PIGN: variants seen among roughly 807,000 people sequenced by gnomAD.
The protein encoded by PIGN is GPI ethanolamine phosphate transferase 1.
Under a neutral mutation model 125.4 loss-of-function variants are expected in PIGN, and 117 were observed. That is an observed-to-expected ratio of 0.93 (90% CI 0.80 to 1.09). The LOEUF is 1.09. Among genes scored for constraint, PIGN ranks in the 50% least tolerant of loss-of-function variants. The pLI is 0.00. For synonymous variants in PIGN, 392 were observed against 377.8 expected, an observed-to-expected ratio of 1.04 and a Z score of -0.44; for missense variants, 1,075 against 1,094.9, an observed-to-expected ratio of 0.98 and a Z score of 0.26.
At chr18:62,180,439 T>C (rs1399511959) in intron 1 of PIGN, among the ~76,000 whole-genome samples, 3 of 152,160 alleles carry the variant, frequency 2.0e-5, no homozygotes, top group African/African-American at 7.2e-5. Flanking sequence ...TGGCAAAGTG[T>C]CCATACTAAT....
chr18:62,167,226 ATC>A, intron 1 of PIGN, among the ~76,000 whole-genome samples: 1 of 133,182 alleles, frequency 7.5e-6, no homozygotes, highest in African/African-American at 2.6e-5. Context: ...TATATATAAA[ATC>A]TCTCTCTATA....
At chr18:62,144,348 C>G (rs1425901916) in intron 10 of PIGN, among the ~76,000 whole-genome samples, 2 of 152,286 alleles carry the variant, frequency 1.3e-5, no homozygotes, top group East Asian at 3.9e-4. Context: ...AATGCTCTAA[C>G]AGGCTTTAAT....
chr18:62,151,931 T>G (rs2036551262), intron 7 of PIGN, among the ~76,000 whole-genome samples: 1 of 152,210 alleles, frequency 6.6e-6, no homozygotes, highest in Admixed American at 6.5e-5. Context: ...AGAGATTTAT[T>G]CTGAGCCAAA....
chr18:62,024,055 G>C (rs1444292643), intron 23 of PIGN, among the ~76,000 whole-genome samples: 2 of 152,148 alleles, frequency 1.3e-5, no homozygotes, highest in Non-Finnish European at 2.9e-5. Flanking sequence ...GGAATACAGA[G>C]GGCAGCTAAA....
chr18:62,039,302 A>G (rs2030303767), downstream of PIGN, among the ~76,000 whole-genome samples: 1 of 152,142 alleles, frequency 6.6e-6, no homozygotes, highest in Non-Finnish European at 1.5e-5. Flanking sequence ...TTCTCTTATT[A>G]TTAATACCTA....
rs974489594 is a variant in PIGN at position 62,152,459 on chromosome 18, C to T, written c.549+2086G>A. ...AGTCTCTCAGGTTACATTTTAAAAG[C>T]GCCCTGGCTGAGAAAGTCCATTGAG... On this transcript the variant is annotated intron_variant, in intron 7 of 30. Coordinates refer to ENST00000640252, the MANE Select transcript of PIGN (RefSeq NM_176787.5). Among the ~76,000 whole-genome samples, 4 of 151,912 alleles carry T rather than the reference C, an allele frequency of 2.6e-5. No homozygotes were observed. The East Asian group carries it at 5.8e-4, about 22-fold the overall frequency.
At chr18:62,060,215 T>A (rs2032033380) in intron 30 of PIGN, among the ~76,000 whole-genome samples, 1 of 152,214 alleles carries the variant, frequency 6.6e-6, no homozygotes, top group Non-Finnish European at 1.5e-5. Context: ...GAACATCAAA[T>A]TTCAACTTGA....
rs750070239 is a variant in PIGN, at chr18:62,145,952, G to C, written c.879C>G (p.Pro293=). The C allele has an allele frequency of 2.5e-6, 4 of 1,608,414 alleles. No homozygotes were observed. Among genetic ancestry groups the C allele is most frequent in the Admixed American group, 3.3e-5 (2 of 59,862 alleles). The stretch of plus-strand genomic sequence containing the variant: ...CAAATTGCTGAGCTGATACTCTTTG[G>C]GGATACTTGATTCCAGCTCCCCAAG... ...LVTWGAGIKY[P]QRVSAQQFDD... is the part of the protein sequence containing the mutation. Residue 293 remains proline (P), a synonymous_variant, in exon 10 of 31, where the codon CCC becomes CCG. Transcript: ENST00000640252.
intron 23 of PIGN, among the ~76,000 whole-genome samples, chr18:62,033,100 A>C (rs1046134925): frequency 2.6e-5 from 4 of 152,238 alleles, no homozygotes; most frequent in Non-Finnish European, 5.9e-5. Context: ...ACATCATTGC[A>C]GTTTCCTTGG....
intron 14 of PIGN, 197 bp downstream of exon 14, chr18:62,138,046 C>T (rs1216754861): frequency 1.5e-6 from 1 of 673,788 alleles, no homozygotes; most frequent in Non-Finnish European, 2.4e-6. Context: ...CATCCCTCTT[C>T]CAGCCATTCA....
At chr18:62,035,528 T>A (rs2030247491) in intron 23 of PIGN, among the ~76,000 whole-genome samples, 1 of 152,226 alleles carries the variant, frequency 6.6e-6, no homozygotes, top group African/African-American at 2.4e-5. Context: ...ATTACTTTTT[T>A]ATCTTTTTTT....
intron 30 of PIGN, among the ~76,000 whole-genome samples, chr18:62,071,911 A>ATATATATAT (rs2032897102): frequency 3.8e-5 from 3 of 78,992 alleles, no homozygotes; most frequent in Non-Finnish European, 7.6e-5. Flanking sequence ...TATATATATA[A>ATATATATAT]ATTTAACTGT....
intron 23 of PIGN, among the ~76,000 whole-genome samples, chr18:62,027,902 G>A (rs1442993514): frequency 6.6e-6 from 1 of 151,410 alleles, no homozygotes; most frequent in Admixed American, 6.6e-5. Flanking sequence ...ATGAGACCCT[G>A]TCTCAATAAA....
chr18:62,087,591 G>C (rs2033766590), intron 25 of PIGN, among the ~76,000 whole-genome samples: 1 of 152,194 alleles, frequency 6.6e-6, no homozygotes. Flanking sequence ...TGCTTTAATA[G>C]TATTAGCTGA....
chr18:62,166,990 T>G (rs1228668411), intron 1 of PIGN, among the ~76,000 whole-genome samples: 1 of 152,134 alleles, frequency 6.6e-6, no homozygotes, highest in Non-Finnish European at 1.5e-5. Context: ...ATAGGTGCAG[T>G]AAACCACCAT....
rs77329323 is a variant in PIGN at position 62,154,479 on chromosome 18, G to A, written c.549+66C>T. ...GCTCATGAAAACAGAAAAAACGTGG[G>A]ATACAGTCTCCAATACTTCAGGTAA... On this transcript the variant is annotated intron_variant, in intron 7 of 30. Coordinates refer to ENST00000640252, the MANE Select transcript of PIGN (RefSeq NM_176787.5). 8,465 of 768,272 alleles carry A rather than the reference G, an allele frequency of 0.011. 243 individuals carry two copies. Among genetic ancestry groups the A allele is most frequent in the East Asian group, 0.067 (2,677 of 40,154 alleles). The allele number at this position is 768,272 out of a possible 1,614,324, so 47.6% of individuals were successfully genotyped here. A position where few individuals can be genotyped will look rare whatever the true frequency, so the allele number is the denominator to read the frequency against.
intron 28 of PIGN, chr18:62,076,084 C>T (rs959596873): frequency 5.9e-5 from 9 of 152,270 alleles, no homozygotes; most frequent in South Asian, 2.1e-4. Context: ...TACAGGCACC[C>T]GCCACAACGC....
At chr18:62,136,893 T>A (rs188861447) in intron 14 of PIGN, 4 of 391,854 alleles carry the variant, frequency 1.0e-5, no homozygotes, top group Admixed American at 8.9e-5. Flanking sequence ...CACATCTTCC[T>A]GGACCTGGGA....
intron 30 of PIGN, among the ~76,000 whole-genome samples, chr18:62,066,613 C>T (rs1476109247): frequency 6.6e-6 from 1 of 152,124 alleles, no homozygotes; most frequent in South Asian, 2.1e-4. Context: ...GGTCTCTGAA[C>T]AGCCTTTATC....
Sources: gnomAD v4.1 joint callset for allele counts (sites outside exome capture counted in the v4.1 genomes callset) on GRCh38, gnomAD v4.1.1 for gene constraint, MANE v1.5 for transcripts, NCBI Gene and HGNC (gene_info 2026-07-23, HGNC 2026-07-21) for gene names.